TAFA1: variants seen among roughly 807,000 people sequenced by gnomAD.
TAFA1 encodes TAFA chemokine like family member 1, also known as chemokine-like protein TAFA-1.
In TAFA1, 4 loss-of-function variants were observed where a neutral mutation model predicts 18.5. The observed-to-expected ratio is 0.22, with a 90% confidence interval of 0.11 to 0.49. TAFA1 has a LOEUF of 0.49. Ranked by LOEUF, TAFA1 falls within the 20% of genes least tolerant of loss-of-function variation. The pLI, the probability that TAFA1 is intolerant of heterozygous loss-of-function variation, is 0.98. For missense variants in TAFA1, 147 were observed against 169.0 expected, an observed-to-expected ratio of 0.87 and a Z score of 0.72; for synonymous variants, 56 against 55.2, an observed-to-expected ratio of 1.01 and a Z score of -0.06.
chr3:68,316,468 GT>G (rs2106694055), intron 2 of TAFA1, among the ~76,000 whole-genome samples: 1 of 152,312 alleles, frequency 6.6e-6, no homozygotes, highest in East Asian at 1.9e-4. Flanking sequence ...TTATAATGTT[GT>G]TCGGGCTTTT....
At chr3:68,343,728 CG>C (rs1263603622) in intron 2 of TAFA1, among the ~76,000 whole-genome samples, 4 of 151,984 alleles carry the variant, frequency 2.6e-5, no homozygotes, top group African/African-American at 7.3e-5. Flanking sequence ...TTTGTGTAGC[CG>C]GGTTTGTAGT....
At position 68,456,602 on chromosome 3, in the gene TAFA1, C is replaced by T. The variant is rs114120430; in HGVS notation, c.259+39182C>T. ...GATCTTTCACCTTCCTTTTGTTTTA[C>T]GCTGTCAGGTAATGACTTCTGTTTT... is the stretch of plus-strand genomic sequence containing the variant. On this transcript the variant is annotated intron_variant, in intron 3 of 4. Coordinates refer to ENST00000478136, the MANE Select transcript of TAFA1 (RefSeq NM_213609.4). Among the ~76,000 whole-genome samples, 206 of 152,238 alleles carry T rather than the reference C, an allele frequency of 1.4e-3. 2 individuals are homozygous for T. The highest frequency in any genetic ancestry group is 4.5e-3 in the African/African-American group (186 of 41,552).
At chr3:68,076,564 T>A (rs1292923645) in intron 2 of TAFA1, among the ~76,000 whole-genome samples, 1 of 151,762 alleles carries the variant, frequency 6.6e-6, no homozygotes, top group Admixed American at 6.6e-5. Flanking sequence ...GGTGTTTGGT[T>A]TTTTGTTCTT....
At chr3:67,999,287 C>CTCTGTGTGTGTGTGTG (rs1297823499), upstream of TAFA1, among the ~76,000 whole-genome samples, 2 of 147,662 alleles carry the variant, frequency 1.4e-5, no homozygotes, top group African/African-American at 5.1e-5. Context: ...CCCCCTCTCT[C>CTCTGTGTGTGTGTGTG]TGTGTGTGTG....
intron 2 of TAFA1, among the ~76,000 whole-genome samples, chr3:68,319,177 C>G (rs1257094318): frequency 1.3e-5 from 2 of 152,188 alleles, no homozygotes; most frequent in Non-Finnish European, 2.9e-5. Context: ...TTGGATATTA[C>G]TTCTACACTA....
intron 2 of TAFA1, among the ~76,000 whole-genome samples, chr3:68,047,504 A>G (rs760098894): frequency 2.6e-5 from 4 of 152,206 alleles, no homozygotes; most frequent in East Asian, 1.9e-4. Flanking sequence ...GAAATGAACC[A>G]GAATTAATGG....
intron 3 of TAFA1, among the ~76,000 whole-genome samples, chr3:68,506,149 C>T (rs945742022): frequency 1.3e-5 from 2 of 151,932 alleles, no homozygotes; most frequent in African/African-American, 4.8e-5. Flanking sequence ...GTTGGGTTTT[C>T]TGTTCTTGTG....
At chr3:68,523,991 G>T (rs542648455) in intron 3 of TAFA1, among the ~76,000 whole-genome samples, 1 of 152,242 alleles carries the variant, frequency 6.6e-6, no homozygotes, top group Non-Finnish European at 1.5e-5. Flanking sequence ...ATCTTAAAAA[G>T]ATATTTTCTG....
intron 2 of TAFA1, among the ~76,000 whole-genome samples, chr3:68,383,814 G>A (rs559982146): frequency 2.9e-4 from 44 of 151,754 alleles, no homozygotes; most frequent in Non-Finnish European, 5.2e-4. Context: ...GTCCTGGGCT[G>A]TTTTTGGTTG....
rs188857772 is a variant in TAFA1 at position 68,151,778 on chromosome 3, A to G, written c.118+145034A>G. Among the ~76,000 whole-genome samples the G allele has an allele frequency of 3.9e-5, 6 of 152,324 alleles. No homozygotes were observed. In the East Asian group the frequency reaches 7.7e-4, roughly 20 times the overall value. On this transcript the variant is annotated intron_variant, in intron 2 of 4. Coordinates refer to ENST00000478136, the MANE Select transcript of TAFA1 (RefSeq NM_213609.4). ...GCATTAGGGATTAAGTTTCCATCAC[A>G]TGAACTTTGGGGAACACATTCAAAC...
intron 2 of TAFA1, among the ~76,000 whole-genome samples, chr3:68,105,881 T>A (rs2065197319): frequency 6.6e-6 from 1 of 152,106 alleles, no homozygotes; most frequent in Non-Finnish European, 1.5e-5. Context: ...TACAGGTTAA[T>A]CCCTTAAAGA....
intron 2 of TAFA1, chr3:68,247,405 T>C (rs2067101359): frequency 6.6e-6 from 1 of 152,192 alleles, no homozygotes; most frequent in South Asian, 2.1e-4. Context: ...TCTGGTGAAC[T>C]CCAGCAGACC....
At chr3:68,248,015 G>A (rs2067116822) in intron 2 of TAFA1, among the ~76,000 whole-genome samples, 1 of 152,212 alleles carries the variant, frequency 6.6e-6, no homozygotes, top group Non-Finnish European at 1.5e-5. Context: ...ACCACTGTTG[G>A]CTAAAAGGCA....
chr3:68,387,743 A>G (rs2070135737), intron 2 of TAFA1, among the ~76,000 whole-genome samples: 1 of 152,174 alleles, frequency 6.6e-6, no homozygotes, highest in South Asian at 2.1e-4. Context: ...GAGGTCCATC[A>G]GTAGTACATG....
At chr3:68,001,408 A>G (rs1458190536), upstream of TAFA1, among the ~76,000 whole-genome samples, 1 of 152,128 alleles carries the variant, frequency 6.6e-6, no homozygotes, top group African/African-American at 2.4e-5. Context: ...TCTTTTTCTT[A>G]CAGTTACTGA....
chr3:68,524,961 G>A (rs1425996232), intron 3 of TAFA1, among the ~76,000 whole-genome samples: 2 of 152,160 alleles, frequency 1.3e-5, no homozygotes, highest in African/African-American at 4.8e-5. Context: ...GTGAGCCAAC[G>A]CGCCCGGCCG....
intron 2 of TAFA1, among the ~76,000 whole-genome samples, chr3:68,250,184 T>C (rs2067165630): frequency 6.6e-6 from 1 of 151,862 alleles, no homozygotes; most frequent in South Asian, 2.1e-4. Context: ...ATGTACTAAC[T>C]GTGGAACCCT....
intron 2 of TAFA1, among the ~76,000 whole-genome samples, chr3:68,224,663 G>A (rs1033870254): frequency 1.3e-5 from 2 of 152,086 alleles, no homozygotes; most frequent in Admixed American, 6.5e-5. Context: ...GAAGCTCATA[G>A]GCTCTCATTT....
intron 2 of TAFA1, among the ~76,000 whole-genome samples, chr3:68,222,253 G>A (rs558558119): frequency 3.3e-4 from 50 of 152,270 alleles, no homozygotes; most frequent in African/African-American, 5.8e-4. Context: ...TGTCATTGCC[G>A]TTAGGTTATT....
Sources: gnomAD v4.1 joint callset for allele counts (sites outside exome capture counted in the v4.1 genomes callset) on GRCh38, gnomAD v4.1.1 for gene constraint, MANE v1.5 for transcripts, NCBI Gene and HGNC (gene_info 2026-07-23, HGNC 2026-07-21) for gene names.